SCN10A: variants seen among roughly 807,000 people sequenced by gnomAD.
SCN10A encodes sodium voltage-gated channel alpha subunit 10.
Under a neutral mutation model 170.7 loss-of-function variants are expected in SCN10A, and 162 were observed. That is an observed-to-expected ratio of 0.95 (90% CI 0.84 to 1.08). The LOEUF (loss-of-function observed/expected upper bound fraction) is 1.08. Ranked by LOEUF, SCN10A falls within the 50% of genes least tolerant of loss-of-function variation. The pLI is 0.00. For missense variants in SCN10A, 2,527 were observed against 2,436.9 expected, an observed-to-expected ratio of 1.04 and a Z score of -0.78; for synonymous variants, 985 against 904.6, an observed-to-expected ratio of 1.09 and a Z score of -1.59.
chr3:38,773,808 G>A (rs1474068361), intron 4 of SCN10A, among the ~76,000 whole-genome samples: 2 of 152,148 alleles, frequency 1.3e-5, no homozygotes, highest in Admixed American at 6.5e-5. Context: ...GGAAGATGAG[G>A]GTGAGAGGAA....
chr3:38,746,514 G>A (rs1371323281), intron 13 of SCN10A, among the ~76,000 whole-genome samples: 2 of 151,882 alleles, frequency 1.3e-5, no homozygotes, highest in African/African-American at 2.4e-5. Flanking sequence ...TTTATAAAAT[G>A]CAAATGTAAC....
At chr3:38,776,408 A>G (rs1163193230) in intron 4 of SCN10A, among the ~76,000 whole-genome samples, 1 of 152,010 alleles carries the variant, frequency 6.6e-6, no homozygotes, top group Non-Finnish European at 1.5e-5. Flanking sequence ...TTGAATTGTG[A>G]TATTATGCAA....
chr3:38,722,931 T>C (rs2063409880), intron 19 of SCN10A, among the ~76,000 whole-genome samples: 1 of 152,240 alleles, frequency 6.6e-6, no homozygotes, highest in Admixed American at 6.5e-5. Context: ...GAATGGACTC[T>C]TGATTCATTC....
chr3:38,805,201 G>A (rs1012036904), intron 1 of SCN10A, among the ~76,000 whole-genome samples: 1 of 152,130 alleles, frequency 6.6e-6, no homozygotes, highest in Non-Finnish European at 1.5e-5. Context: ...GGAGCATATT[G>A]TAAGGATGTT....
rs1328192469 is a variant in SCN10A at position 38,728,999 on chromosome 3, G to C, written c.2281-98C>G. On this transcript the variant is annotated intron_variant, in intron 15 of 27. Coordinates refer to ENST00000449082, the MANE Select transcript of SCN10A (RefSeq NM_006514.4). Reference sequence around the variant, plus strand: ...ACCAAAGATCTGGGAAAAACACAAGGCCTCTCATCCCATTAAACCAGGGCG... The same window carrying C: ...ACCAAAGATCTGGGAAAAACACAAGCCCTCTCATCCCATTAAACCAGGGCG... 2.0e-6 allele frequency: 3 copies of C among 1,464,322 alleles called. No individual in the cohort carries two copies. The African/African-American group carries it at 4.2e-5, about 21-fold the overall frequency. The allele number at this position is 1,464,322 out of a possible 1,614,324, so 90.7% of individuals were successfully genotyped here. A position where few individuals can be genotyped will look rare whatever the true frequency, so the allele number is the denominator to read the frequency against.
At chr3:38,735,716 G>GGATA (rs2063553700) in intron 15 of SCN10A, among the ~76,000 whole-genome samples, 1 of 152,228 alleles carries the variant, frequency 6.6e-6, no homozygotes, top group African/African-American at 2.4e-5. Flanking sequence ...ATAGACCAAT[G>GGATA]GACTAACAGA....
intron 1 of SCN10A, among the ~76,000 whole-genome samples, chr3:38,800,213 T>A (rs1033422521): frequency 1.6e-4 from 25 of 152,178 alleles, no homozygotes; most frequent in African/African-American, 6.0e-4. Flanking sequence ...GCTTTGTGGA[T>A]AACAGCTCTT....
rs538775892 is a variant in SCN10A at position 38,750,469 on chromosome 3, G to A, written c.1756-285C>T. On this transcript the variant is annotated intron_variant, in intron 12 of 27. Transcript: ENST00000449082. ...GTACAGCATGTTATTGCTGAATACT[G>A]TAAGTATAAACAGTTAATAAACATA... Among the ~76,000 whole-genome samples the A allele has an allele frequency of 8.1e-4, 123 of 152,294 alleles. 1 individual carries two copies. The highest frequency in any genetic ancestry group is 6.8e-3 in the Middle Eastern group (2 of 294).
chr3:38,812,214 G>T (rs907986955), intron 1 of SCN10A, among the ~76,000 whole-genome samples: 1 of 152,150 alleles, frequency 6.6e-6, no homozygotes, highest in Non-Finnish European at 1.5e-5. Context: ...TCTATATTTT[G>T]GGCATAGTGC....
At chr3:38,704,061 T>G (rs1042466223) in intron 26 of SCN10A, among the ~76,000 whole-genome samples, 1 of 152,216 alleles carries the variant, frequency 6.6e-6, no homozygotes, top group Non-Finnish European at 1.5e-5. Flanking sequence ...ATGTATGGGA[T>G]GTGCAAGCCT....
chr3:38,754,951 G>T (rs1024519694), intron 11 of SCN10A, among the ~76,000 whole-genome samples: 1 of 152,074 alleles, frequency 6.6e-6, no homozygotes, highest in Admixed American at 6.6e-5. Context: ...CCTATAGAAA[G>T]GGCATATTTG....
At chr3:38,775,250 C>T (rs1285733157) in intron 4 of SCN10A, among the ~76,000 whole-genome samples, 1 of 152,092 alleles carries the variant, frequency 6.6e-6, no homozygotes, top group Non-Finnish European at 1.5e-5. Context: ...CTCCCCATTC[C>T]CCCTCTCTGG....
At chr3:38,790,983 C>A (rs1014584022) in intron 3 of SCN10A, among the ~76,000 whole-genome samples, 10 of 152,216 alleles carry the variant, frequency 6.6e-5, no homozygotes, top group Admixed American at 2.6e-4. Context: ...AATGCAACTT[C>A]ATCAAGCTGT....
chr3:38,701,855 C>A lies in SCN10A; in HGVS notation c.4641G>T (p.Val1547=). 1.9e-6 allele frequency: 3 copies of A among 1,608,864 alleles called. No individual in the cohort carries two copies. Among genetic ancestry groups the A allele is most frequent in the Non-Finnish European group, 2.5e-6 (3 of 1,177,260 alleles). ...CCCACTTACTCGCAATGGAGAGAAC[C>A]ACCACAATGAAGTCAAACACATTCC... ...NGWNVFDFIV[V]VLSIASLIFS... The change falls in exon 27 of 28, where the codon GTG becomes GTT. Residue 1547 remains valine (V), a synonymous_variant. Transcript: ENST00000449082.
At chr3:38,703,217 T>C (rs1384128790) in intron 26 of SCN10A, among the ~76,000 whole-genome samples, 1 of 152,216 alleles carries the variant, frequency 6.6e-6, no homozygotes, top group East Asian at 1.9e-4. Flanking sequence ...TCTTGGTCCC[T>C]CTGCCTCAGT....
At chr3:38,751,179 A>G (rs1285383368) in intron 12 of SCN10A, among the ~76,000 whole-genome samples, 1 of 152,170 alleles carries the variant, frequency 6.6e-6, no homozygotes, top group Non-Finnish European at 1.5e-5. Flanking sequence ...CAGAGCTGTG[A>G]TCCTCTACTA....
intron 25 of SCN10A, among the ~76,000 whole-genome samples, chr3:38,708,518 A>C (rs1228645244): frequency 6.6e-6 from 1 of 152,174 alleles, no homozygotes. Context: ...GATTTCCTGT[A>C]AGTGGAATGC....
intron 8 of SCN10A, among the ~76,000 whole-genome samples, chr3:38,760,245 T>A (rs1462260272): frequency 6.6e-6 from 1 of 152,206 alleles, no homozygotes; most frequent in Non-Finnish European, 1.5e-5. Flanking sequence ...CCTTGCAAAC[T>A]TCCACTGTTT....
rs192941210 is a variant in SCN10A, at chr3:38,729,963, C to T, written c.2281-1062G>A. 9.6e-4 allele frequency among the ~76,000 whole-genome samples: 146 copies of T among 152,306 alleles called. 2 individuals are homozygous for T. Among genetic ancestry groups the T allele is most frequent in the Non-Finnish European group, 3.7e-4 (25 of 68,024 alleles). On this transcript the variant is annotated intron_variant, in intron 15 of 27. Coordinates refer to ENST00000449082, the MANE Select transcript of SCN10A (RefSeq NM_006514.4). ...AGCGGGTCCACGTTCACCTTACACCCAATCTGGAAGTTACTCTCCTCATAT... is the reference window on the plus strand; with the variant it reads ...AGCGGGTCCACGTTCACCTTACACCTAATCTGGAAGTTACTCTCCTCATAT...
Sources: gnomAD v4.1 joint callset for allele counts (sites outside exome capture counted in the v4.1 genomes callset) on GRCh38, gnomAD v4.1.1 for gene constraint, MANE v1.5 for transcripts, NCBI Gene and HGNC (gene_info 2026-07-23, HGNC 2026-07-21) for gene names.